Variants in ADGRF3 observed in about 807,000 individuals in gnomAD.
The protein encoded by ADGRF3 is adhesion G protein-coupled receptor F3, also known as G protein-coupled receptor 113.
Under a neutral mutation model 93.2 loss-of-function variants are expected in ADGRF3, and 85 were observed. That is an observed-to-expected ratio of 0.91 (90% CI 0.77 to 1.09). The LOEUF is 1.09. Among genes scored for constraint, ADGRF3 ranks in the 50% least tolerant of loss-of-function variants. The probability of loss-of-function intolerance (pLI) is 0.00; values close to 1 mark genes in which losing one functional copy is unlikely to be tolerated. For missense variants in ADGRF3, 1,125 were observed against 1,246.2 expected (o/e 0.90, Z 1.46); for synonymous variants, 534 against 532.5 (o/e 1.00, Z -0.04).
At chr2:26,333,822 T>C (rs1395467157) in intron 1 of ADGRF3, among the ~76,000 whole-genome samples, 2 of 152,082 alleles carry the variant, frequency 1.3e-5, no homozygotes, top group Admixed American at 1.3e-4. Flanking sequence ...AAAATGTATT[T>C]TATTTACTAT....
rs574715156 is a variant in ADGRF3 at position 26,314,633 on chromosome 2, C to A, written c.719-10G>T. 6.2e-7 allele frequency: 1 copy of A among 1,611,294 alleles called. No homozygotes were observed. The highest frequency in any genetic ancestry group is 1.1e-5 in the South Asian group (1 of 90,866). ...CAGCTCATGTACTCACCTGCAGAAA[C>A]GTGTGTGCGGCGCTATGTGGCTCCT... On this transcript the variant is annotated splice_polypyrimidine_tract_variant and intron_variant, in intron 5 of 13. Transcript: ENST00000651242.
chr2:26,343,983 T>C (rs945865508), intron 1 of ADGRF3, among the ~76,000 whole-genome samples: 5 of 152,226 alleles, frequency 3.3e-5, no homozygotes, highest in African/African-American at 1.2e-4. Context: ...AAAGAAAATA[T>C]CAGAGGTAGA....
chr2:26,311,825 C>T lies in ADGRF3; in HGVS notation c.1699G>A (p.Ala567Thr), dbSNP rs139789678. Residue 567 changes from alanine to threonine, a missense_variant, in exon 10 of 14, where the codon GCT (alanine) becomes ACT (threonine). Transcript: ENST00000651242. ...ISFPTRPPLQ[A>T]QIPRHSLAPL... ...GCCAGTGAGTGCCTGGGAATCTGAG[C>T]CTGCAGTGGGGGCCGAGTAGGGAAG... 1 of 1,613,842 alleles carries T rather than the reference C, an allele frequency of 6.2e-7. No individual in the cohort carries two copies. Among genetic ancestry groups the T allele is most frequent in the East Asian group, 2.2e-5 (1 of 44,866 alleles).
chr2:26,309,149 A>C (rs1231085101), intron 13 of ADGRF3, 42 bp from the exon 14 acceptor site: 1 of 1,613,982 alleles, frequency 6.2e-7, no homozygotes, highest in South Asian at 1.1e-5. Context: ...ACTGAGCCCA[A>C]CTTCTGCAGG....
At chr2:26,329,938 C>T (rs1335929696) in intron 1 of ADGRF3, among the ~76,000 whole-genome samples, 1 of 152,096 alleles carries the variant, frequency 6.6e-6, no homozygotes, top group African/African-American at 2.4e-5. Flanking sequence ...TGTTTTTTCC[C>T]ATGTGAGTTG....
chr2:26,343,437 CT>C (rs61227869), intron 1 of ADGRF3, among the ~76,000 whole-genome samples: 13,945 of 146,092 alleles, frequency 0.095, 1,698 homozygotes, highest in East Asian at 0.6. Flanking sequence ...ATCAAATGAT[CT>C]TTTTTTTTTT....
Position 26,311,768 on chromosome 2 carries a change from T to C in ADGRF3, c.1756A>G (p.Ile586Val). 6.2e-7 allele frequency: 1 copy of C among 1,613,710 alleles called. No individual in the cohort carries two copies. Residue 586 changes from isoleucine (I) to valine (V), a missense_variant, in exon 10 of 14, where the codon ATT becomes GTT. Coordinates refer to ENST00000651242, the MANE Select transcript of ADGRF3 (RefSeq NM_001321971.2). ...AGTTTTCGCAGCACCAGGCTAGTAATACTTATTTCAGTTCCATTACGGACC... is the reference window on the plus strand; with the variant it reads ...AGTTTTCGCAGCACCAGGCTAGTAACACTTATTTCAGTTCCATTACGGACC... ...PLVRNGTEIS[I>V]TSLVLRKLDH...
In ADGRF3 at chr2:26,317,690, A is replaced by G. The variant is rs1048916047; in HGVS notation, c.115-128T>C. ...TCTTTTTGCCAGGAGTCAAGTGTAC[A>G]CATCAGGAAGGGAAAGCAGGCTTCT... On this transcript the variant is annotated intron_variant, in intron 1 of 13. Coordinates refer to ENST00000651242, the MANE Select transcript of ADGRF3 (RefSeq NM_001321971.2). 7 of 845,672 alleles carry G rather than the reference A, an allele frequency of 8.3e-6. 1 individual carries two copies. Among genetic ancestry groups the G allele is most frequent in the Middle Eastern group, 4.5e-4 (2 of 4,486 alleles). The allele number at this position is 845,672 out of a possible 1,614,324, so 52.4% of individuals were successfully genotyped here. A position where few individuals can be genotyped will look rare whatever the true frequency, so the allele number is the denominator to read the frequency against.
intron 1 of ADGRF3, among the ~76,000 whole-genome samples, chr2:26,331,672 G>A (rs1190738260): frequency 1.3e-5 from 2 of 152,178 alleles, no homozygotes; most frequent in Non-Finnish European, 2.9e-5. Flanking sequence ...TGAGGCTGCG[G>A]TGAGCTATGA....
At position 26,321,098 on chromosome 2, in the gene ADGRF3, CA is replaced by C. The variant is rs571293469; in HGVS notation, c.115-3537del. Among the ~76,000 whole-genome samples, 9 of 152,162 alleles carry C rather than the reference CA, an allele frequency of 5.9e-5. No homozygotes were observed. In the East Asian group the frequency reaches 1.7e-3, roughly 29 times the overall value. On this transcript the variant is annotated intron_variant, in intron 1 of 13. Transcript: ENST00000651242. ...CAAAAAAAGTTGATTTAAACACACA[CA>C]CAAAGTACGAAGTACCTATGGTAGA...
rs1230316321 is a variant in ADGRF3, at chr2:26,312,162, T to C, written c.1450-88A>G. ...AATGAGAACAACAGACCCCACACCTTCCCTTCCCAGTCCAGTGTGCGACCC... is the reference window on the plus strand; with the variant it reads ...AATGAGAACAACAGACCCCACACCTCCCCTTCCCAGTCCAGTGTGCGACCC... On this transcript the variant is annotated intron_variant, in intron 9 of 13. Coordinates refer to ENST00000651242, the MANE Select transcript of ADGRF3 (RefSeq NM_001321971.2). 6.9e-6 allele frequency: 9 copies of C among 1,304,526 alleles called. No individual in the cohort carries two copies. The East Asian group carries it at 2.1e-4, about 30-fold the overall frequency. The allele number at this position is 1,304,526 out of a possible 1,614,324, so 80.8% of individuals were successfully genotyped here. A position where few individuals can be genotyped will look rare whatever the true frequency, so the allele number is the denominator to read the frequency against.
At chr2:26,333,948 G>A (rs1376754255) in intron 1 of ADGRF3, among the ~76,000 whole-genome samples, 1 of 151,200 alleles carries the variant, frequency 6.6e-6, no homozygotes, top group Non-Finnish European at 1.5e-5. Context: ...AGCCTCCTGA[G>A]TACTGGGATT....
At chr2:26,345,271 T>C (rs895996081) in intron 1 of ADGRF3, among the ~76,000 whole-genome samples, 2 of 147,000 alleles carry the variant, frequency 1.4e-5, no homozygotes, top group Non-Finnish European at 3.0e-5. Flanking sequence ...AGATACTCAC[T>C]AGCCATTGAT....
intron 1 of ADGRF3, chr2:26,318,181 T>A: frequency 8.9e-7 from 1 of 1,129,932 alleles, no homozygotes; most frequent in Non-Finnish European, 1.2e-6. Flanking sequence ...CAGTCCTTCC[T>A]CCAGGAAATA....
intron 1 of ADGRF3, among the ~76,000 whole-genome samples, chr2:26,334,042 T>G (rs1404968108): frequency 2.7e-5 from 4 of 150,800 alleles, no homozygotes; most frequent in Non-Finnish European, 5.9e-5. Context: ...GCCAGGCTGG[T>G]CTCGAACTCC....
At chr2:26,318,116 G>C in intron 1 of ADGRF3, 1 of 1,540,464 alleles carries the variant, frequency 6.5e-7, no homozygotes, top group Non-Finnish European at 8.8e-7. Flanking sequence ...AGGCAGGGAA[G>C]GGTCTGTCTG....
chr2:26,310,269 A>G, intron 10 of ADGRF3, 32 bp from the exon 11 acceptor site: 1 of 1,612,716 alleles, frequency 6.2e-7, no homozygotes, highest in Admixed American at 1.7e-5. Context: ...TAAGCTGGTC[A>G]AGGAGGAAGG....
intron 1 of ADGRF3, among the ~76,000 whole-genome samples, chr2:26,344,407 G>A (rs997500882): frequency 1.3e-5 from 2 of 152,282 alleles, no homozygotes; most frequent in African/African-American, 4.8e-5. Context: ...GGCTCCCAAA[G>A]TGTAGGGATT....
At chr2:26,334,966 T>C (rs1361144268) in intron 1 of ADGRF3, among the ~76,000 whole-genome samples, 2 of 152,204 alleles carry the variant, frequency 1.3e-5, no homozygotes, top group East Asian at 3.8e-4. Context: ...GGTATGCATA[T>C]GTTATTTTGT....
Sources: gnomAD v4.1 joint callset for allele counts (sites outside exome capture counted in the v4.1 genomes callset) on GRCh38, gnomAD v4.1.1 for gene constraint, MANE v1.5 for transcripts, NCBI Gene and HGNC (gene_info 2026-07-23, HGNC 2026-07-21) for gene names.